Variants in KIDINS220 observed in about 807,000 individuals in gnomAD.
KIDINS220 encodes kinase D interacting substrate 220.
Under a neutral mutation model 157.6 loss-of-function variants are expected in KIDINS220, and 63 were observed. The ratio of observed to expected loss-of-function variants is 0.40; its 90% CI spans 0.33 to 0.49. KIDINS220 has a LOEUF of 0.49. KIDINS220 is among the 20% of genes least tolerant of loss of function. KIDINS220 has a pLI of 0.66. For missense variants in KIDINS220, 1,772 were observed against 2,171.2 expected (o/e 0.82, Z 3.65); for synonymous variants, 732 against 783.6 (o/e 0.93, Z 1.10).
intron 22 of KIDINS220, among the ~76,000 whole-genome samples, chr2:8,763,402 G>A (rs745429485): frequency 6.6e-6 from 1 of 152,188 alleles, no homozygotes; most frequent in Admixed American, 6.5e-5. Flanking sequence ...GCTCCAGTGA[G>A]CATTTCCTTT....
At chr2:8,803,648 T>C (rs780351338) in intron 7 of KIDINS220, among the ~76,000 whole-genome samples, 11 of 152,198 alleles carry the variant, frequency 7.2e-5, no homozygotes, top group Non-Finnish European at 1.2e-4. Context: ...CATAGTAACC[T>C]AGAAACTACA....
chr2:8,743,751 C>A (rs1665961435), intron 26 of KIDINS220, among the ~76,000 whole-genome samples: 1 of 152,096 alleles, frequency 6.6e-6, no homozygotes, highest in African/African-American at 2.4e-5. Flanking sequence ...TCCTGGGGGA[C>A]CCTCAAGAGG....
rs1673531830 is a variant in KIDINS220 at position 8,793,821 on chromosome 2, ATT to A, written c.1263_1264del (p.Gln421HisfsTer11). 4 of 1,593,874 alleles carry A rather than the reference ATT, an allele frequency of 2.5e-6. No homozygotes were observed. The highest frequency in any genetic ancestry group is 1.8e-5 in the Admixed American group (1 of 54,964). On this transcript the variant is annotated frameshift_variant, in exon 12 of 30. Transcript: ENST00000256707. LOFTEE classifies it high-confidence loss of function. ...AACTCAATACTTACTGGCTCCAAAT[ATT>A]TGAGTTAAAATACTCTTCTGATGGC...
At chr2:8,782,567 G>C (rs6431963) in intron 17 of KIDINS220, among the ~76,000 whole-genome samples, 43,941 of 151,948 alleles carry the variant, frequency 0.29, 6,539 homozygotes, top group Middle Eastern at 0.35. Context: ...AGGCCCAGAG[G>C]GTTCACTAAT....
chr2:8,726,287 G>C (rs1258470281), downstream of KIDINS220, among the ~76,000 whole-genome samples: 1 of 152,192 alleles, frequency 6.6e-6, no homozygotes, highest in African/African-American at 2.4e-5. Context: ...GTTCCAGAAA[G>C]TCCTCGTCAT....
intron 15 of KIDINS220, among the ~76,000 whole-genome samples, chr2:8,788,318 G>C (rs937931177): frequency 6.6e-6 from 1 of 151,584 alleles, no homozygotes; most frequent in Non-Finnish European, 1.5e-5. Flanking sequence ...GCCCAGGCTG[G>C]AGTGCAATGG....
rs752924094 is a variant in KIDINS220 at position 8,734,759 on chromosome 2, TA to T, written c.3718-7del. On this transcript the variant is annotated splice_region_variant and splice_polypyrimidine_tract_variant and intron_variant, in intron 27 of 29. Transcript: ENST00000256707. ...ACACGGCCATTTATGTTTGCCTGAG[TA>T]AAAATTAAAACAATTATGGGTATAA... is the stretch of plus-strand genomic sequence containing the variant. The T allele has an allele frequency of 6.3e-6, 10 of 1,593,770 alleles. No homozygotes were observed. The Admixed American group carries it at 1.7e-4, about 27-fold the overall frequency.
At chr2:8,816,632 T>C (rs1209323992) in intron 4 of KIDINS220, among the ~76,000 whole-genome samples, 1 of 152,228 alleles carries the variant, frequency 6.6e-6, no homozygotes, top group African/African-American at 2.4e-5. Context: ...GAGAACTCGA[T>C]AACTCCCTGC....
rs186413727 is a variant in KIDINS220, at chr2:8,742,810, C to T, written c.3585+4335G>A. 1.6e-3 allele frequency among the ~76,000 whole-genome samples: 241 copies of T among 147,528 alleles called. 3 individuals carry two copies. The highest frequency in any genetic ancestry group is 5.0e-3 in the African/African-American group (208 of 41,270). On this transcript the variant is annotated intron_variant, in intron 26 of 29. Coordinates refer to ENST00000256707, the MANE Select transcript of KIDINS220 (RefSeq NM_020738.4). Reference sequence around the variant, plus strand: ...GCGCCTCTTACACTCAATAAATATTCGTTGAACTAATCGCTGATCACACAA... The same window carrying T: ...GCGCCTCTTACACTCAATAAATATTTGTTGAACTAATCGCTGATCACACAA...
chr2:8,737,565 G>A (rs1344485130), intron 26 of KIDINS220, among the ~76,000 whole-genome samples: 1 of 152,160 alleles, frequency 6.6e-6, no homozygotes, highest in South Asian at 2.1e-4. Flanking sequence ...AAATCATGAT[G>A]TAAATACAAA....
At chr2:8,832,997 T>C (rs1008132156) in intron 1 of KIDINS220, among the ~76,000 whole-genome samples, 4 of 152,214 alleles carry the variant, frequency 2.6e-5, no homozygotes, top group Non-Finnish European at 1.5e-5. Context: ...TCAGAGTATT[T>C]AGGATATCCA....
At chr2:8,757,418 A>T in intron 22 of KIDINS220, 1 of 1,230,308 alleles carries the variant, frequency 8.1e-7, no homozygotes, top group Non-Finnish European at 1.0e-6. Flanking sequence ...ACAGTCTTAC[A>T]GCTTTAACCT....
intron 4 of KIDINS220, among the ~76,000 whole-genome samples, chr2:8,815,215 A>G (rs1254869129): frequency 6.6e-6 from 1 of 152,056 alleles, no homozygotes; most frequent in African/African-American, 2.4e-5. Flanking sequence ...AGCCTGGGCA[A>G]CATGGCAAAA....
At chr2:8,776,484 A>C (rs2148194584) in intron 21 of KIDINS220, among the ~76,000 whole-genome samples, 1 of 152,346 alleles carries the variant, frequency 6.6e-6, no homozygotes, top group East Asian at 1.9e-4. Context: ...AATTATCTTT[A>C]TAGTGAAAGA....
At chr2:8,815,674 G>GA (rs903398599) in intron 4 of KIDINS220, among the ~76,000 whole-genome samples, 6 of 150,424 alleles carry the variant, frequency 4.0e-5, no homozygotes, top group East Asian at 1.9e-4. Context: ...GTCTCAGGGG[G>GA]AAAAAAAAAT....
intron 26 of KIDINS220, among the ~76,000 whole-genome samples, chr2:8,742,823 G>A (rs1431287709): frequency 8.7e-6 from 1 of 115,218 alleles, no homozygotes; most frequent in Non-Finnish European, 2.2e-5. Context: ...TGAACTAATC[G>A]CTGATCACAC....
Position 8,803,129 on chromosome 2 carries a change from T to C in KIDINS220, c.604-2A>G. The stretch of plus-strand genomic sequence containing the variant: ...CACAATAAGTGCAGTCATTGAATTC[T>C]AAAAACAACAACAACAAAAACAAAA... On this transcript the variant is annotated splice_acceptor_variant, in intron 7 of 29. Transcript: ENST00000256707. LOFTEE classifies it high-confidence loss of function. The C allele has an allele frequency of 6.2e-7, 1 of 1,602,568 alleles. No homozygotes were observed. Among genetic ancestry groups the C allele is most frequent in the Non-Finnish European group, 8.5e-7 (1 of 1,176,774 alleles).
Position 8,730,718 on chromosome 2 carries a change from T to C in KIDINS220, c.*2A>G. On this transcript the variant is annotated 3_prime_UTR_variant, in exon 30 of 30. Coordinates refer to ENST00000256707, the MANE Select transcript of KIDINS220 (RefSeq NM_020738.4). ...AACACTCTTCTCCTTTGCTTGTTTT[T>C]CTCAAAGAATGCTTTCTCTTTCTTC... 6.2e-7 allele frequency: 1 copy of C among 1,611,600 alleles called. No individual in the cohort carries two copies. The highest frequency in any genetic ancestry group is 8.5e-7 in the Non-Finnish European group (1 of 1,179,140).
At chr2:8,836,396 AAATTATTCACACAAAGGGTGTAG>A (rs1406964202) in intron 1 of KIDINS220, among the ~76,000 whole-genome samples, 5 of 152,352 alleles carry the variant, frequency 3.3e-5, no homozygotes. Flanking sequence ...AATGATCTGG[AAATTATTCACACAAAGGGTGTAG>A]AACAAGGATT....
Sources: allele counts gnomAD v4.1 joint callset (sites outside exome capture counted in the v4.1 genomes callset), GRCh38; gene constraint gnomAD v4.1.1; transcripts MANE v1.5; gene names NCBI Gene and HGNC (gene_info 2026-07-23, HGNC 2026-07-21).